GFOD2: variants seen among roughly 807,000 people sequenced by gnomAD.
The protein encoded by GFOD2 is glucose-fructose oxidoreductase domain-containing protein 2.
In GFOD2, 9 loss-of-function variants were observed where a neutral mutation model predicts 24.6. That is an observed-to-expected ratio of 0.37 (90% CI 0.22 to 0.64). The LOEUF is 0.64. Among genes scored for constraint, GFOD2 ranks in the 30% least tolerant of loss-of-function variants. The probability of loss-of-function intolerance (pLI) is 0.65; values close to 1 mark genes in which losing one functional copy is unlikely to be tolerated. For missense variants in GFOD2, 476 were observed against 532.5 expected (o/e 0.89, Z 1.04); for synonymous variants, 211 against 224.8 (o/e 0.94, Z 0.55).
intron 2 of GFOD2, chr16:67,680,815 C>T (rs1237261445): frequency 1.2e-5 from 12 of 977,214 alleles, no homozygotes; most frequent in Middle Eastern, 5.2e-4. Flanking sequence ...GCACAACGTG[C>T]AGGTTTGTTA....
At chr16:67,685,171 G>A (rs1340960069) in intron 2 of GFOD2, 3 of 1,387,270 alleles carry the variant, frequency 2.2e-6, no homozygotes, top group Admixed American at 3.0e-5. Context: ...CTTCACAGAG[G>A]CAAACTTTAT....
intron 2 of GFOD2, chr16:67,676,542 G>A (rs888174730): frequency 6.4e-6 from 1 of 155,416 alleles, no homozygotes; most frequent in Non-Finnish European, 1.4e-5. Context: ...ATGTTGTCAT[G>A]CATTTATTAG....
At chr16:67,686,835 CA>C (rs1395702775) in intron 1 of GFOD2, among the ~76,000 whole-genome samples, 6 of 150,962 alleles carry the variant, frequency 4.0e-5, no homozygotes, top group Admixed American at 3.3e-4. Flanking sequence ...AGACTCTATC[CA>C]AAAAAGAAAG....
At chr16:67,717,845 A>G (rs1205086368) in intron 1 of GFOD2, among the ~76,000 whole-genome samples, 1 of 147,946 alleles carries the variant, frequency 6.8e-6, no homozygotes, top group Non-Finnish European at 1.5e-5. Context: ...TGATTATTCC[A>G]TGGCAAAGTG....
At chr16:67,704,469 T>C (rs1486502692) in intron 1 of GFOD2, among the ~76,000 whole-genome samples, 1 of 152,208 alleles carries the variant, frequency 6.6e-6, no homozygotes, top group Non-Finnish European at 1.5e-5. Context: ...TTTGGATTAG[T>C]GATTTCAAGT....
chr16:67,718,851 G>A (rs1289760862), intron 1 of GFOD2, among the ~76,000 whole-genome samples: 4 of 152,212 alleles, frequency 2.6e-5, no homozygotes, highest in African/African-American at 7.2e-5. Flanking sequence ...CTCGGCACAG[G>A]GCGGGGGAGA....
intron 1 of GFOD2, among the ~76,000 whole-genome samples, chr16:67,715,847 A>C (rs537885908): frequency 1.2e-4 from 19 of 152,112 alleles, no homozygotes; most frequent in Middle Eastern, 3.4e-3. Context: ...AAAAAAAAAA[A>C]AACTTGTTTT....
At chr16:67,685,346 T>A in intron 2 of GFOD2, 111 bp downstream of exon 2, 1 of 1,534,290 alleles carries the variant, frequency 6.5e-7, no homozygotes, top group Non-Finnish European at 8.8e-7. Context: ...AGAGTTCTCC[T>A]CCCTGCAGAT....
At chr16:67,705,376 T>C (rs557457212) in intron 1 of GFOD2, among the ~76,000 whole-genome samples, 1 of 152,146 alleles carries the variant, frequency 6.6e-6, no homozygotes, top group East Asian at 1.9e-4. Context: ...CCCAGCTAAT[T>C]TTTGTATTTT....
In GFOD2 at chr16:67,675,509, A is replaced by G. The variant is rs2053177554; in HGVS notation, c.804T>C (p.Tyr268=). 6 of 1,612,464 alleles carry G rather than the reference A, an allele frequency of 3.7e-6. No homozygotes were observed. In the East Asian group the frequency reaches 1.1e-4, roughly 30 times the overall value. Residue 268 remains tyrosine (Y), a synonymous_variant, in exon 3 of 3, where the codon TAT becomes TAC. Coordinates refer to ENST00000268797, the MANE Select transcript of GFOD2 (RefSeq NM_030819.4). ...CTTGCGTGGCAGAGTTCTTCTGCCC[A>G]TAGAGGTCGGCTCCCCGGGCGACGA... is the stretch of plus-strand genomic sequence containing the variant. ...GRLVARGADL[Y]GQKNSATQEE... is the part of the protein sequence containing the mutation.
rs1050989422 is a variant in GFOD2, at chr16:67,675,074, T to C, written c.*81A>G. On this transcript the variant is annotated 3_prime_UTR_variant, in exon 3 of 3. Coordinates refer to ENST00000268797, the MANE Select transcript of GFOD2 (RefSeq NM_030819.4). ...ATTAAATGAAAGACACTGTCTCTGC[T>C]AGGGCCAAGTCCCTGTCATGTCTGG... is the stretch of plus-strand genomic sequence containing the variant. 6.9e-7 allele frequency: 1 copy of C among 1,450,570 alleles called. No homozygotes were observed. Among genetic ancestry groups the C allele is most frequent in the Non-Finnish European group, 9.3e-7 (1 of 1,069,864 alleles). 89.9% of individuals were successfully genotyped at this position (1,450,570 alleles called of 1,614,324 possible).
At chr16:67,711,064 T>A (rs1440032057) in intron 1 of GFOD2, among the ~76,000 whole-genome samples, 1 of 152,288 alleles carries the variant, frequency 6.6e-6, no homozygotes, top group South Asian at 2.1e-4. Flanking sequence ...CCCAAAAGCA[T>A]TTCTTCAGAA....
intron 1 of GFOD2, among the ~76,000 whole-genome samples, chr16:67,694,994 T>C (rs2053347761): frequency 1.7e-5 from 2 of 115,482 alleles, no homozygotes; most frequent in Admixed American, 1.6e-4. Context: ...TCTCTTTTTT[T>C]TTTTTTTTTT....
chr16:67,700,656 G>C (rs1202169174), intron 1 of GFOD2, among the ~76,000 whole-genome samples: 2 of 143,138 alleles, frequency 1.4e-5, no homozygotes, highest in Admixed American at 7.1e-5. Flanking sequence ...AGGTTGCAGT[G>C]AACTGAGATT....
At chr16:67,691,870 A>G (rs1338799050) in intron 1 of GFOD2, among the ~76,000 whole-genome samples, 1 of 152,190 alleles carries the variant, frequency 6.6e-6, no homozygotes, top group African/African-American at 2.4e-5. Context: ...ATGAAACACC[A>G]AAGTTACCCT....
intron 1 of GFOD2, among the ~76,000 whole-genome samples, chr16:67,690,925 C>A (rs2053307861): frequency 6.6e-6 from 1 of 150,832 alleles, no homozygotes; most frequent in Admixed American, 6.6e-5. Context: ...TGCAGTGGCA[C>A]AATCTCAGCT....
intron 1 of GFOD2, among the ~76,000 whole-genome samples, chr16:67,713,081 G>T (rs1048649891): frequency 6.7e-6 from 1 of 148,912 alleles, no homozygotes; most frequent in East Asian, 1.9e-4. Flanking sequence ...ACAGGGTTTC[G>T]CCATCTTGGT....
At chr16:67,686,985 A>C (rs531097729) in intron 1 of GFOD2, among the ~76,000 whole-genome samples, 2 of 151,286 alleles carry the variant, frequency 1.3e-5, no homozygotes, top group East Asian at 3.9e-4. Flanking sequence ...CGTCTCTACC[A>C]AAAATATAAA....
intron 2 of GFOD2, chr16:67,682,610 C>T (rs2053235616): frequency 1.0e-6 from 1 of 985,238 alleles, no homozygotes; most frequent in South Asian, 4.7e-5. Flanking sequence ...AAGCAGAAAA[C>T]AAGATGCCAT....
Sources: gnomAD v4.1 joint callset for allele counts (sites outside exome capture counted in the v4.1 genomes callset) on GRCh38, gnomAD v4.1.1 for gene constraint, MANE v1.5 for transcripts, NCBI Gene and HGNC (gene_info 2026-07-23, HGNC 2026-07-21) for gene names.